Variants in RAD52 observed in about 807,000 individuals in gnomAD.
RAD52 encodes RAD52 DNA repair protein.
A neutral mutation model predicts 55.5 loss-of-function variants in RAD52; 47 were observed. The observed-to-expected ratio is 0.85, with a 90% CI of 0.67 to 1.08. The LOEUF is 1.08. RAD52 is among the 50% of genes least tolerant of loss of function. The pLI is 0.00. For synonymous variants in RAD52, 184 were observed against 198.9 expected, an observed-to-expected ratio of 0.92 and a Z score of 0.63; for missense variants, 468 against 522.8, an observed-to-expected ratio of 0.90 and a Z score of 1.02.
chr12:921,549 C>T (rs557152440), intron 7 of RAD52, among the ~76,000 whole-genome samples: 1 of 151,490 alleles, frequency 6.6e-6, no homozygotes, highest in Admixed American at 6.6e-5. Context: ...GATATAGAGG[C>T]TGCAGTGAGC....
At chr12:916,269 G>A in intron 9 of RAD52, 75 bp downstream of exon 9, 1 of 1,571,138 alleles carries the variant, frequency 6.4e-7, no homozygotes, top group South Asian at 1.1e-5. Context: ...GGTTACCGCA[G>A]AGAATCAGAA....
At chr12:938,338 T>G (rs1267188026) in intron 1 of RAD52, among the ~76,000 whole-genome samples, 1 of 152,174 alleles carries the variant, frequency 6.6e-6, no homozygotes, top group Non-Finnish European at 1.5e-5. Context: ...AAAGCATCAG[T>G]GTCTCAAAAA....
chr12:969,554 A>T (rs1247768562), intron 1 of RAD52, among the ~76,000 whole-genome samples: 1 of 152,000 alleles, frequency 6.6e-6, no homozygotes, highest in Non-Finnish European at 1.5e-5. Flanking sequence ...TGGGAGGCTG[A>T]GGCAGGAGGA....
chr12:928,946 C>T (rs1957185372), intron 5 of RAD52, among the ~76,000 whole-genome samples: 1 of 152,124 alleles, frequency 6.6e-6, no homozygotes. Flanking sequence ...CTCACCACAG[C>T]CTCGACTTCC....
intron 1 of RAD52, among the ~76,000 whole-genome samples, chr12:973,512 C>T (rs1958896241): frequency 1.3e-5 from 2 of 151,502 alleles, no homozygotes; most frequent in Admixed American, 6.6e-5. Flanking sequence ...CAGTCTGGCT[C>T]TGTTGCGCAG....
At chr12:953,631 C>T (rs889442037), upstream of RAD52, among the ~76,000 whole-genome samples, 10 of 152,154 alleles carry the variant, frequency 6.6e-5, no homozygotes, top group African/African-American at 1.2e-4. Context: ...TAATCTGGGA[C>T]TTAGAGCCTC....
At chr12:971,208 T>C (rs530086202) in intron 1 of RAD52, among the ~76,000 whole-genome samples, 5 of 152,316 alleles carry the variant, frequency 3.3e-5, no homozygotes, top group Admixed American at 3.3e-4. Flanking sequence ...ATGCAACCAA[T>C]ATGTACGTTC....
intron 5 of RAD52, 48 bp downstream of exon 5, chr12:929,771 T>TA: frequency 6.4e-7 from 1 of 1,558,984 alleles, no homozygotes; most frequent in South Asian, 1.1e-5. Context: ...CACCTTCTCC[T>TA]ACCACCCACT....
Position 916,911 on chromosome 12 carries a change from C to T in RAD52, c.544-91G>A, listed in dbSNP as rs539395985. On this transcript the variant is annotated intron_variant, in intron 7 of 11. Coordinates refer to ENST00000358495, the MANE Select transcript of RAD52 (RefSeq NM_134424.4). ...TCACAGATTGCGATTCCTGGAAAAT[C>T]GCATTTGACATCCTCCATCCATCAC... The T allele has an allele frequency of 7.3e-4, 1,100 of 1,511,904 alleles. 16 individuals carry two copies. The South Asian group carries it at 0.013, about 18-fold the overall frequency. 93.7% of individuals were successfully genotyped at this position (1,511,904 alleles called of 1,614,324 possible).
chr12:955,127 C>A (rs562353931), intron 1 of RAD52, among the ~76,000 whole-genome samples: 1 of 152,162 alleles, frequency 6.6e-6, no homozygotes, highest in Non-Finnish European at 1.5e-5. Flanking sequence ...AGAGGTGGGA[C>A]AATTGCACCC....
intron 7 of RAD52, among the ~76,000 whole-genome samples, chr12:922,131 T>G (rs567121930): frequency 0.017 from 109 of 6,358 alleles, no homozygotes; most frequent in African/African-American, 0.06. Context: ...TCAACATCAC[T>G]AATCATCAGG....
intron 1 of RAD52, among the ~76,000 whole-genome samples, chr12:944,608 T>TA (rs778682036): frequency 0.035 from 3,274 of 93,554 alleles, 44 homozygotes; most frequent in East Asian, 0.088. Context: ...AAAAACATGG[T>TA]AAAAAAAAAA....
Position 937,119 on chromosome 12 carries a change from C to T in RAD52, c.-18-4043G>A, listed in dbSNP as rs116615208. ...AGTGAGATACAGAAGCTGAGGGGTC[C>T]GTCCACCCTTCCTTTAGATGGATTG... On this transcript the variant is annotated intron_variant, in intron 1 of 11. Coordinates refer to ENST00000358495, the MANE Select transcript of RAD52 (RefSeq NM_134424.4). Among the ~76,000 whole-genome samples, 712 of 152,242 alleles carry T rather than the reference C, an allele frequency of 4.7e-3. 6 individuals are homozygous for T. Among genetic ancestry groups the T allele is most frequent in the African/African-American group, 0.016 (661 of 41,534 alleles).
At chr12:942,747 CAAA>C (rs755913438) in intron 1 of RAD52, among the ~76,000 whole-genome samples, 2 of 103,702 alleles carry the variant, frequency 1.9e-5, no homozygotes, top group Non-Finnish European at 2.1e-5. Flanking sequence ...GACTCTGTCT[CAAA>C]AAAAAAAAAA....
At chr12:948,038 C>T (rs2154119318) in intron 1 of RAD52, among the ~76,000 whole-genome samples, 1 of 143,298 alleles carries the variant, frequency 7.0e-6, no homozygotes, top group South Asian at 2.1e-4. Flanking sequence ...CTGTGGAGGA[C>T]TAGACCTAGA....
At chr12:982,407 A>T (rs1959029358) in intron 1 of RAD52, among the ~76,000 whole-genome samples, 1 of 152,212 alleles carries the variant, frequency 6.6e-6, no homozygotes, top group East Asian at 1.9e-4. Context: ...TTACTAAAGC[A>T]ACCAAAAGAA....
intron 1 of RAD52, among the ~76,000 whole-genome samples, chr12:943,629 G>A (rs1311448760): frequency 6.6e-6 from 1 of 152,090 alleles, no homozygotes; most frequent in African/African-American, 2.4e-5. Flanking sequence ...GATTACAGAC[G>A]TGAGCCACCG....
At chr12:929,973 C>T in intron 4 of RAD52, 78 bp downstream of exon 4, 2 of 1,571,816 alleles carry the variant, frequency 1.3e-6, no homozygotes, top group Non-Finnish European at 8.8e-7. Flanking sequence ...GTCCACCTAC[C>T]TTACCTCCTC....
At chr12:972,744 C>T (rs373783653) in intron 1 of RAD52, among the ~76,000 whole-genome samples, 16 of 128,572 alleles carry the variant, frequency 1.2e-4, no homozygotes, top group Admixed American at 1.1e-3. Flanking sequence ...CCAGCCTGGG[C>T]GACAGAGCGA....
Sources: gnomAD v4.1 joint callset for allele counts (sites outside exome capture counted in the v4.1 genomes callset) on GRCh38, gnomAD v4.1.1 for gene constraint, MANE v1.5 for transcripts, NCBI Gene and HGNC (gene_info 2026-07-23, HGNC 2026-07-21) for gene names.